The following ZNF536 variants were observed in gnomAD, a reference collection of about 807,000 sequenced individuals.
ZNF536 encodes zinc finger protein 536.
In ZNF536, 13 loss-of-function variants were observed where a neutral mutation model predicts 84.5. That is an observed-to-expected ratio of 0.15 (90% CI 0.10 to 0.24). ZNF536 has a LOEUF of 0.24. Ranked by LOEUF, ZNF536 falls within the 10% of genes least tolerant of loss-of-function variation. ZNF536 has a pLI of 1.00. For synonymous variants in ZNF536, 811 were observed against 742.5 expected (o/e 1.09, Z -1.50); for missense variants, 1,536 against 1,747.5 (o/e 0.88, Z 2.16).
intron 1 of ZNF536, among the ~76,000 whole-genome samples, chr19:30,433,402 T>C (rs1023086603): frequency 7.9e-5 from 12 of 152,264 alleles, no homozygotes; most frequent in African/African-American, 2.9e-4. Context: ...ACCCATGTCT[T>C]GCCACATGTA....
At chr19:30,514,437 G>A (rs1372627407) in intron 2 of ZNF536, among the ~76,000 whole-genome samples, 1 of 152,024 alleles carries the variant, frequency 6.6e-6, no homozygotes, top group East Asian at 1.9e-4. Context: ...GAACCCCTGG[G>A]TCCTGCAGGG....
intron 2 of ZNF536, among the ~76,000 whole-genome samples, chr19:30,497,307 T>A (rs193263920): frequency 1.7e-3 from 262 of 152,296 alleles, no homozygotes; most frequent in Non-Finnish European, 2.9e-3. Flanking sequence ...TATCACAACA[T>A]GCACAAGCCA....
chr19:30,291,882 A>C (rs2145809377), intron 2 of ZNF536, among the ~76,000 whole-genome samples: 1 of 152,336 alleles, frequency 6.6e-6, no homozygotes, highest in Non-Finnish European at 1.5e-5. Flanking sequence ...ATCAAAAGAA[A>C]AATAATATTT....
At chr19:30,504,575 A>C (rs1384108628) in intron 2 of ZNF536, among the ~76,000 whole-genome samples, 103 of 34,962 alleles carry the variant, frequency 2.9e-3, no homozygotes, top group East Asian at 6.2e-3. Flanking sequence ...CCTCTCTCCC[A>C]CCCTTCCTCC....
chr19:30,555,135 G>A (rs909220926), intron 4 of ZNF536: 2 of 152,322 alleles, frequency 1.3e-5, no homozygotes, highest in South Asian at 2.1e-4. Context: ...ACACACAGAA[G>A]AGGAAGCGGG....
intron 1 of ZNF536, among the ~76,000 whole-genome samples, chr19:30,261,315 A>G (rs575961337): frequency 7.3e-5 from 11 of 150,680 alleles, no homozygotes; most frequent in South Asian, 2.1e-4. Context: ...AAAAAAAAAA[A>G]AAAAAAAGAA....
At chr19:30,680,993 C>G (rs182925959) in intron 1 of ZNF536, among the ~76,000 whole-genome samples, 3 of 152,318 alleles carry the variant, frequency 2.0e-5, no homozygotes, top group Admixed American at 2.0e-4. Flanking sequence ...CTGCATTTCT[C>G]TGATGGCCAG....
At chr19:30,320,657 G>A (rs2046823853) in intron 2 of ZNF536, among the ~76,000 whole-genome samples, 1 of 152,154 alleles carries the variant, frequency 6.6e-6, no homozygotes, top group South Asian at 2.1e-4. Context: ...AGATGGAACG[G>A]TGTGGAGCGT....
chr19:30,542,771 T>G (rs1409883622), intron 3 of ZNF536, among the ~76,000 whole-genome samples: 1 of 152,136 alleles, frequency 6.6e-6, no homozygotes, highest in African/African-American at 2.4e-5. Flanking sequence ...GTACTAATAT[T>G]TAAAAATTAA....
chr19:30,558,693 G>T (rs761948027), downstream of ZNF536, among the ~76,000 whole-genome samples: 12 of 152,134 alleles, frequency 7.9e-5, no homozygotes, highest in Non-Finnish European at 1.6e-4. Flanking sequence ...TGCTTGTGTT[G>T]CTTGGTTTTG....
chr19:30,384,949 C>T (rs1186379968), intron 1 of ZNF536, among the ~76,000 whole-genome samples: 1 of 152,010 alleles, frequency 6.6e-6, no homozygotes, highest in East Asian at 1.9e-4. Context: ...CCCTTGAGCC[C>T]AGGCAGTCGA....
chr19:30,325,156 G>A (rs944999813), intron 2 of ZNF536, among the ~76,000 whole-genome samples: 8 of 152,326 alleles, frequency 5.3e-5, no homozygotes, highest in African/African-American at 1.9e-4. Flanking sequence ...GGAGGGGTTG[G>A]TGTCAAGTGC....
chr19:30,556,872 T>G, intron 4 of ZNF536: 1 of 366,404 alleles, frequency 2.7e-6, no homozygotes, highest in East Asian at 4.6e-5. Flanking sequence ...ATCAACCTCT[T>G]TGGTTTCGGA....
At chr19:30,486,508 G>A (rs557322008) in intron 2 of ZNF536, among the ~76,000 whole-genome samples, 6 of 152,254 alleles carry the variant, frequency 3.9e-5, no homozygotes, top group African/African-American at 1.4e-4. Flanking sequence ...TCATTGATGG[G>A]CATTTAGGTT....
chr19:30,260,769 G>A (rs940877159), intron 1 of ZNF536, among the ~76,000 whole-genome samples: 13 of 152,260 alleles, frequency 8.5e-5, no homozygotes, highest in East Asian at 5.8e-4. Flanking sequence ...TTCAGCCCCC[G>A]GAGCAGGAGA....
chr19:30,477,430 G>A (rs6510161), intron 2 of ZNF536, among the ~76,000 whole-genome samples: 10,886 of 152,152 alleles, frequency 0.072, 994 homozygotes, highest in African/African-American at 0.21. Flanking sequence ...GAATTTCTGC[G>A]GAGTCGTATG....
chr19:30,528,653 T>C (rs2044684639), intron 2 of ZNF536, among the ~76,000 whole-genome samples: 1 of 152,144 alleles, frequency 6.6e-6, no homozygotes, highest in Non-Finnish European at 1.5e-5. Flanking sequence ...GATTCTGTTG[T>C]CTCAACCTTT....
At chr19:30,233,402 T>C (rs1447171868) in intron 1 of ZNF536, among the ~76,000 whole-genome samples, 1 of 150,980 alleles carries the variant, frequency 6.6e-6, no homozygotes, top group African/African-American at 2.4e-5. Context: ...TGAAGTGCAG[T>C]GGTGCAATCA....
intron 2 of ZNF536, among the ~76,000 whole-genome samples, chr19:30,304,295 T>C (rs979326914): frequency 2.0e-4 from 31 of 152,342 alleles, no homozygotes; most frequent in African/African-American, 7.5e-4. Flanking sequence ...GAAGGCCAGT[T>C]CAATGGAGCT....
Sources: allele counts gnomAD v4.1 joint callset (sites outside exome capture counted in the v4.1 genomes callset), GRCh38; gene constraint gnomAD v4.1.1; transcripts MANE v1.5; gene names NCBI Gene and HGNC (gene_info 2026-07-23, HGNC 2026-07-21).